The following ST14 variants were observed in gnomAD, a reference collection of about 807,000 sequenced individuals.
ST14 encodes suppressor of tumorigenicity 14 protein.
In ST14, 40 loss-of-function variants were observed where a neutral mutation model predicts 96.5. The observed-to-expected ratio is 0.41, with a 90% confidence interval of 0.32 to 0.54. The LOEUF (loss-of-function observed/expected upper bound fraction) is 0.54, where lower values mean the gene tolerates loss of function less well. Ranked by LOEUF, ST14 falls within the 20% of genes least tolerant of loss-of-function variation. ST14 has a pLI of 0.17. For missense variants in ST14, 1,066 were observed against 1,188.9 expected (o/e 0.90, Z 1.52); for synonymous variants, 506 against 492.1 (o/e 1.03, Z -0.37).
At chr11:130,194,597 G>A in intron 8 of ST14, 43 bp from the exon 9 acceptor site, 1 of 1,602,008 alleles carries the variant, frequency 6.2e-7, no homozygotes, top group Non-Finnish European at 8.6e-7. Flanking sequence ...GCTCGGCCGG[G>A]CAGGTTCCTG....
chr11:130,164,899 G>C (rs186038079), intron 1 of ST14, among the ~76,000 whole-genome samples: 10 of 151,850 alleles, frequency 6.6e-5, no homozygotes, highest in Admixed American at 1.3e-4. Flanking sequence ...CACCATGCAC[G>C]GCTAATGTTG....
intron 1 of ST14, among the ~76,000 whole-genome samples, chr11:130,163,210 C>A (rs184117577): frequency 1.3e-5 from 2 of 152,230 alleles, no homozygotes; most frequent in East Asian, 1.9e-4. Context: ...TCCTGCCCTG[C>A]CAAACACAGG....
At position 130,187,115 on chromosome 11, in the gene ST14, G is replaced by T. The variant is rs1192388375; in HGVS notation, c.82-999G>T. Among the ~76,000 whole-genome samples the T allele has an allele frequency of 6.6e-6, 1 of 152,172 alleles. No homozygotes were observed. The highest frequency in any genetic ancestry group is 1.5e-5 in the Non-Finnish European group (1 of 68,038). On this transcript the variant is annotated intron_variant, in intron 1 of 18. Coordinates refer to ENST00000278742, the MANE Select transcript of ST14 (RefSeq NM_021978.4). This position sits in a 1 kb window ranked among gnomAD's most constrained non-coding sequence, Gnocchi z 4.5. ...ACCAGAAGAATGACATCAGGAAACT[G>T]TCAAAAGGGCCAACACCTGTGGGTG...
At chr11:130,193,457 TTG>T (rs1403452110) in intron 7 of ST14, among the ~76,000 whole-genome samples, 1 of 151,804 alleles carries the variant, frequency 6.6e-6, no homozygotes, top group African/African-American at 2.4e-5. Context: ...TGGGCATGTA[TTG>T]TGTCTAGGGT....
chr11:130,208,366 A>C, intron 16 of ST14, 44 bp from the exon 17 acceptor site: 3 of 1,613,492 alleles, frequency 1.9e-6, no homozygotes, highest in Non-Finnish European at 8.5e-7. Context: ...CCGTGTGCAC[A>C]GACCCGAGTG....
intron 16 of ST14, among the ~76,000 whole-genome samples, chr11:130,201,679 G>C (rs887676219): frequency 1.3e-5 from 2 of 152,236 alleles, no homozygotes; most frequent in African/African-American, 2.4e-5. Context: ...TCCTGGGCTT[G>C]AGCAATCCTC....
intron 1 of ST14, among the ~76,000 whole-genome samples, chr11:130,165,907 C>T (rs1339375267): frequency 1.3e-5 from 2 of 152,164 alleles, no homozygotes; most frequent in African/African-American, 4.8e-5. Flanking sequence ...CACCACCATG[C>T]CATTATAAAA....
At chr11:130,209,163 G>C (rs939615815) in intron 17 of ST14, among the ~76,000 whole-genome samples, 1 of 152,228 alleles carries the variant, frequency 6.6e-6, no homozygotes, top group East Asian at 1.9e-4. Context: ...GGGCATTTGC[G>C]GCGCCTTCCC....
At chr11:130,202,741 T>G (rs915868806) in intron 16 of ST14, among the ~76,000 whole-genome samples, 17 of 152,318 alleles carry the variant, frequency 1.1e-4, no homozygotes, top group Middle Eastern at 3.4e-3. Flanking sequence ...CTGCCTAGGT[T>G]GCAGTTGTGG....
chr11:130,196,822 C>A, intron 11 of ST14, 122 bp downstream of exon 11: 1 of 1,459,318 alleles, frequency 6.9e-7, no homozygotes, highest in Non-Finnish European at 9.5e-7. Flanking sequence ...AAGAGCATCT[C>A]ACCCCTCCCG....
chr11:130,182,566 C>T (rs565274528), intron 1 of ST14, among the ~76,000 whole-genome samples: 8 of 152,166 alleles, frequency 5.3e-5, no homozygotes, highest in South Asian at 4.1e-4. Flanking sequence ...ATGCTGGTCT[C>T]GAACTCCTGG....
At chr11:130,197,810 C>A in intron 11 of ST14, 31 bp from the exon 12 acceptor site, 1 of 1,525,208 alleles carries the variant, frequency 6.6e-7, no homozygotes, top group Non-Finnish European at 8.8e-7. Flanking sequence ...TGGGTGGGTG[C>A]TGGGGGCCTC....
At chr11:130,202,760 G>A (rs545198229) in intron 16 of ST14, among the ~76,000 whole-genome samples, 4 of 152,344 alleles carry the variant, frequency 2.6e-5, no homozygotes, top group African/African-American at 2.4e-5. Flanking sequence ...GGTCTACAGC[G>A]TGTTAGCTAT....
chr11:130,188,096 G>T lies in ST14; in HGVS notation c.82-18G>T. ...AGCGGGTGAGAGGGTCTGAGTGGTG[G>T]CGCCTCTCTCCCTGCAGAAAGTGAA... On this transcript the variant is annotated intron_variant, in intron 1 of 18. Coordinates refer to ENST00000278742, the MANE Select transcript of ST14 (RefSeq NM_021978.4). The surrounding 1 kb of genome is among the most constrained non-coding windows in gnomAD (Gnocchi z 5.4). 1 of 1,613,822 alleles carries T rather than the reference G, an allele frequency of 6.2e-7. No homozygotes were observed. Among genetic ancestry groups the T allele is most frequent in the Non-Finnish European group, 8.5e-7 (1 of 1,179,888 alleles).
intron 1 of ST14, among the ~76,000 whole-genome samples, chr11:130,169,641 C>T (rs1018855547): frequency 5.9e-5 from 9 of 152,004 alleles, no homozygotes; most frequent in African/African-American, 9.7e-5. Context: ...GAATAAGATC[C>T]GCGGATGATA....
chr11:130,191,791 G>A (rs571372398), intron 7 of ST14, among the ~76,000 whole-genome samples: 436 of 152,144 alleles, frequency 2.9e-3, no homozygotes, highest in African/African-American at 0.01. Context: ...AATAATTTCA[G>A]TAGGCTCCGG....
rs1208750175 is a variant in ST14 at position 130,194,352 on chromosome 11, G to T, written c.1015+64G>T. ...CACAGAGAAGGGGAAGGCCTTAGTG[G>T]GGGTGACCTGAGCTTAGGAGGCCAC... On this transcript the variant is annotated intron_variant, in intron 8 of 18. Transcript: ENST00000278742. The T allele has an allele frequency of 3.1e-6, 5 of 1,603,670 alleles. No individual in the cohort carries two copies. In the Admixed American group the frequency reaches 8.5e-5, roughly 27 times the overall value.
At chr11:130,182,719 G>A (rs948815662) in intron 1 of ST14, among the ~76,000 whole-genome samples, 2 of 149,774 alleles carry the variant, frequency 1.3e-5, no homozygotes, top group South Asian at 4.3e-4. Context: ...GTGTGATCTC[G>A]GCTCACTGCA....
chr11:130,194,349 G>A, intron 8 of ST14, 61 bp downstream of exon 8: 3 of 1,607,036 alleles, frequency 1.9e-6, no homozygotes, highest in Non-Finnish European at 2.6e-6. Context: ...GAAGGCCTTA[G>A]TGGGGGTGAC....
Sources: allele counts gnomAD v4.1 joint callset (sites outside exome capture counted in the v4.1 genomes callset), GRCh38; gene constraint gnomAD v4.1.1; non-coding constraint Gnocchi (gnomAD v3.1); transcripts MANE v1.5; gene names NCBI Gene and HGNC (gene_info 2026-07-23, HGNC 2026-07-21).